Variants in PROM2 observed in about 807,000 individuals in gnomAD.
The protein encoded by PROM2 is prominin-2.
PROM2 carries 90 observed loss-of-function variants against 110.2 expected under a neutral mutation model. The ratio of observed to expected loss-of-function variants is 0.82; its 90% CI spans 0.69 to 0.97. The LOEUF (loss-of-function observed/expected upper bound fraction) is 0.97, where lower values mean the gene tolerates loss of function less well. Among genes scored for constraint, PROM2 ranks in the 50% least tolerant of loss-of-function variants. The probability of loss-of-function intolerance (pLI) is 0.00; values close to 1 mark genes in which losing one functional copy is unlikely to be tolerated. For synonymous variants in PROM2, 470 were observed against 467.8 expected (o/e 1.00, Z -0.06); for missense variants, 1,009 against 1,074.8 (o/e 0.94, Z 0.86).
At position 95,287,197 on chromosome 2, in the gene PROM2, C is replaced by T; in HGVS notation, c.2159C>T (p.Ala720Val). Reference protein sequence around the residue: ...YLKGELPAWAARILRNVSECF... With the variant: ...YLKGELPAWAVRILRNVSECF... The stretch of plus-strand genomic sequence containing the variant: ...AAAGGAGAGCTGCCTGCCTGGGCAG[C>T]CAGGATCCTGAGGAATGTGAGTGGT... The change falls in exon 19 of 24, where the codon GCC becomes GTC. Residue 720 changes from alanine to valine, a missense_variant. Coordinates refer to ENST00000317620, the MANE Select transcript of PROM2 (RefSeq NM_001165978.3). 6.2e-7 allele frequency: 1 copy of T among 1,613,844 alleles called. No individual in the cohort carries two copies. Among genetic ancestry groups the T allele is most frequent in the South Asian group, 1.1e-5 (1 of 91,066 alleles).
At chr2:95,288,641 T>C (rs1677522589) in intron 22 of PROM2, 52 bp downstream of exon 22, 1 of 1,498,562 alleles carries the variant, frequency 6.7e-7, no homozygotes, top group Non-Finnish European at 9.2e-7. Context: ...GAGGTGTCCT[T>C]TCAGCCGCCA....
At position 95,276,039 on chromosome 2, in the gene PROM2, G is replaced by A. The variant is rs552167244; in HGVS notation, c.404G>A (p.Arg135His). 5.2e-5 allele frequency: 83 copies of A among 1,611,346 alleles called. No homozygotes were observed. The highest frequency in any genetic ancestry group is 4.3e-4 in the South Asian group (39 of 91,076). Residue 135 changes from arginine to histidine, a missense_variant, in exon 3 of 24, where the codon CGC (arginine) becomes CAC (histidine). Transcript: ENST00000317620. The surrounding 1 kb of genome is among the most constrained non-coding windows in gnomAD (Gnocchi z 4.6). ...LCFCCCRCHR[R>H]CGGRVKTEHK... The stretch of plus-strand genomic sequence containing the variant: ...TTCTGCTGCTGCCGCTGCCACCGGC[G>A]CTGCGGGGGACGAGTGAAGACAGAG...
Position 95,281,270 on chromosome 2 carries a change from G to A in PROM2, c.1456G>A (p.Ala486Thr). The change falls in exon 12 of 24, where the codon GCA becomes ACA. Residue 486 changes from alanine to threonine, a missense_variant. Physicochemically the swap from Ala to Thr is moderately conservative, Grantham distance 58 (BLOSUM62 0). Transcript: ENST00000317620. ...AGVGLSFLFAAPLILLVFATF... is the reference protein window; with the variant it reads ...AGVGLSFLFATPLILLVFATF... ...TGTGGGCCTCAGCTTCCTCTTTGCT[G>A]CACCCCTCATCCTCCTGGTGTTCGC... The A allele has an allele frequency of 6.2e-7, 1 of 1,613,256 alleles. No homozygotes were observed. Among genetic ancestry groups the A allele is most frequent in the Non-Finnish European group, 8.5e-7 (1 of 1,179,984 alleles).
rs1346727498 is a variant in PROM2 at position 95,276,488 on chromosome 2, A to C, written c.619-106A>C. 1.7e-5 allele frequency: 27 copies of C among 1,594,860 alleles called. No homozygotes were observed. In the Middle Eastern group the frequency reaches 5.0e-4, roughly 30 times the overall value. Reference sequence around the variant, plus strand: ...TCCCGCCCTTGCCTGAGAGTCGACCACCCTCAGGGTGGATGCCATAGGGGC... The same window carrying C: ...TCCCGCCCTTGCCTGAGAGTCGACCCCCCTCAGGGTGGATGCCATAGGGGC... On this transcript the variant is annotated intron_variant, in intron 4 of 23. Transcript: ENST00000317620. This position sits in a 1 kb window ranked among gnomAD's most constrained non-coding sequence, Gnocchi z 4.6.
rs1255891201 is a variant in PROM2, at chr2:95,277,353, G to A, written c.773-11G>A. 6.2e-7 allele frequency: 1 copy of A among 1,602,480 alleles called. No individual in the cohort carries two copies. Among genetic ancestry groups the A allele is most frequent in the Admixed American group, 1.7e-5 (1 of 59,276 alleles). ...GGTGGACCCTGCTCAGGCTGGGTGTGGGTCTCTCAGTCCTGCAGGTCTCCG... is the reference window on the plus strand; with the variant it reads ...GGTGGACCCTGCTCAGGCTGGGTGTAGGTCTCTCAGTCCTGCAGGTCTCCG... On this transcript the variant is annotated splice_polypyrimidine_tract_variant and intron_variant, in intron 6 of 23. Transcript: ENST00000317620.
intron 15 of PROM2, among the ~76,000 whole-genome samples, chr2:95,285,385 G>A (rs1430335063): frequency 2.0e-5 from 3 of 152,218 alleles, no homozygotes; most frequent in Non-Finnish European, 4.4e-5. Context: ...TGCCGAGGAC[G>A]CATTGGGAAG....
chr2:95,279,391 G>A (rs1355764055), intron 10 of PROM2, among the ~76,000 whole-genome samples: 4 of 151,420 alleles, frequency 2.6e-5, no homozygotes, highest in East Asian at 1.9e-4. Context: ...CTGCCTCCCC[G>A]GTTCAAGCGA....
chr2:95,278,217 G>A (rs1388261150), intron 8 of PROM2: 1 of 595,256 alleles, frequency 1.7e-6, no homozygotes, highest in Non-Finnish European at 3.0e-6. Flanking sequence ...GCAGGCGTCT[G>A]GGGGTGGCAA....
rs761711991 is a variant in PROM2, at chr2:95,286,907, C to T, written c.2094+50C>T. ...TGGTGGAGCACAGGGGCTGCAGAGG[C>T]GGGGAGGAAGTAGGAGCCCATCTCA... On this transcript the variant is annotated intron_variant, in intron 18 of 23. Transcript: ENST00000317620. 3.4e-5 allele frequency: 54 copies of T among 1,585,864 alleles called. No individual in the cohort carries two copies. Among genetic ancestry groups the T allele is most frequent in the East Asian group, 1.6e-4 (7 of 44,718 alleles).
At chr2:95,285,748 C>A (rs1677319697) in intron 16 of PROM2, 38 bp downstream of exon 16, 7 of 1,558,262 alleles carry the variant, frequency 4.5e-6, no homozygotes, top group Non-Finnish European at 6.1e-6. Context: ...GCAGCAGGAG[C>A]CACAGGGGGC....
Position 95,285,678 on chromosome 2 carries a change from G to C in PROM2, c.1915G>C (p.Ala639Pro). 1 of 1,604,590 alleles carries C rather than the reference G, an allele frequency of 6.2e-7. No individual in the cohort carries two copies. The highest frequency in any genetic ancestry group is 8.5e-7 in the Non-Finnish European group (1 of 1,175,406). Residue 639 changes from alanine to proline, a missense_variant, in exon 16 of 24, where the codon GCC (alanine) becomes CCC (proline). Physicochemically the swap from Ala to Pro is conservative, Grantham distance 27. Coordinates refer to ENST00000317620, the MANE Select transcript of PROM2 (RefSeq NM_001165978.3). ...PVVKTSMEQL[A>P]QELQGLAQAQ... is the part of the protein sequence containing the mutation. ...GGTGAAGACCAGCATGGAGCAGCTG[G>C]CCCAGGAGCTGCAAGGACTGGCCCA...
intron 12 of PROM2, 84 bp downstream of exon 12, chr2:95,281,449 G>T (rs556924706): frequency 1.4e-6 from 2 of 1,392,024 alleles, no homozygotes; most frequent in East Asian, 2.5e-5. Flanking sequence ...GGGGAAAGTG[G>T]GGGTCGGGGG....
intron 14 of PROM2, among the ~76,000 whole-genome samples, chr2:95,284,333 T>A (rs1262941144): frequency 6.6e-6 from 1 of 151,942 alleles, no homozygotes; most frequent in Non-Finnish European, 1.5e-5. Flanking sequence ...TCCTCTACAA[T>A]TTTTTTTAAA....
chr2:95,276,007 G>T lies in PROM2; in HGVS notation c.372G>T (p.Gly124=). The T allele has an allele frequency of 1.2e-6, 2 of 1,611,930 alleles. No individual in the cohort carries two copies. Among genetic ancestry groups the T allele is most frequent in the Middle Eastern group, 1.7e-4 (1 of 6,060 alleles). Residue 124 remains glycine, a synonymous_variant, in exon 3 of 24, where the codon GGG becomes GGT. Transcript: ENST00000317620. This position sits in a 1 kb window ranked among gnomAD's most constrained non-coding sequence, Gnocchi z 4.6. ...ACCTGCTGCTGGTGCCCACTGCCGG[G>T]CTTTGCTTCTGCTGCTGCCGCTGCC... ...GLYLLLVPTA[G]LCFCCCRCHR...
intron 14 of PROM2, among the ~76,000 whole-genome samples, chr2:95,284,722 C>T (rs1677243171): frequency 6.6e-6 from 1 of 152,204 alleles, no homozygotes. Context: ...CGTGAAATAA[C>T]TGAGCAAAAC....
chr2:95,277,224 G>T, intron 6 of PROM2, 140 bp from the exon 7 acceptor site: 1 of 1,150,102 alleles, frequency 8.7e-7, no homozygotes, highest in Non-Finnish European at 1.2e-6. Context: ...GGCTTAATGT[G>T]CCCTGGGGCA....
At position 95,288,519 on chromosome 2, in the gene PROM2, T is replaced by C; in HGVS notation, c.2371T>C (p.Phe791Leu). The C allele has an allele frequency of 6.2e-7, 1 of 1,614,226 alleles. No homozygotes were observed. Among genetic ancestry groups the C allele is most frequent in the Non-Finnish European group, 8.5e-7 (1 of 1,180,028 alleles). The stretch of plus-strand genomic sequence containing the variant: ...GTTCTGCCTGGCATGGTGCACCTTC[T>C]TCCTGATCCCCAGCATCATCTTTGC... ...FWFCLAWCTF[F>L]LIPSIIFAVK... Residue 791 changes from phenylalanine (F) to leucine (L), a missense_variant, in exon 22 of 24, where the codon TTC (phenylalanine) becomes CTC (leucine). Physicochemically the swap from Phe to Leu is conservative, Grantham distance 22. Transcript: ENST00000317620.
At chr2:95,281,431 G>A (rs1573454008) in intron 12 of PROM2, 66 bp downstream of exon 12, 1 of 1,419,932 alleles carries the variant, frequency 7.0e-7, no homozygotes, top group South Asian at 1.3e-5. Flanking sequence ...AGCAGAGCAG[G>A]AGGGTTGGGG....
chr2:95,281,489 A>AGAC (rs1460581436), intron 12 of PROM2, 124 bp downstream of exon 12: 1 of 1,236,034 alleles, frequency 8.1e-7, no homozygotes, highest in African/African-American at 1.5e-5. Flanking sequence ...GGGAGGAGTG[A>AGAC]GACAGACATG....
Sources: gnomAD v4.1 joint callset for allele counts (sites outside exome capture counted in the v4.1 genomes callset) on GRCh38, gnomAD v4.1.1 for gene constraint, Gnocchi (gnomAD v3.1) non-coding constraint, MANE v1.5 for transcripts, NCBI Gene and HGNC (gene_info 2026-07-23, HGNC 2026-07-21) for gene names.